The following PRKN variants were observed in gnomAD, a reference collection of about 807,000 sequenced individuals.
The protein encoded by PRKN is parkin RBR E3 ubiquitin protein ligase.
In PRKN, 56 loss-of-function variants were observed where a neutral mutation model predicts 59.5. The observed-to-expected ratio is 0.94, with a 90% confidence interval of 0.76 to 1.18. PRKN has a LOEUF of 1.18. Ranked by LOEUF, PRKN falls within the 50% of genes most tolerant of loss-of-function variation. The pLI is 0.00. For missense variants in PRKN, 657 were observed against 596.4 expected, an observed-to-expected ratio of 1.10 and a Z score of -1.06; for synonymous variants, 250 against 222.1, an observed-to-expected ratio of 1.13 and a Z score of -1.12.
chr6:162,413,490 G>T lies in PRKN; in HGVS notation c.171+29820C>A, dbSNP rs542964034. On this transcript the variant is annotated intron_variant, in intron 2 of 11. Coordinates refer to ENST00000366898, the MANE Select transcript of PRKN (RefSeq NM_004562.3). ...CAGATAGTAACTAATTAGATAGCAAGGTATTACTGACAAAATGAAACAAGA... is the reference window on the plus strand; with the variant it reads ...CAGATAGTAACTAATTAGATAGCAATGTATTACTGACAAAATGAAACAAGA... 2.0e-5 allele frequency among the ~76,000 whole-genome samples: 3 copies of T among 152,138 alleles called. No individual in the cohort carries two copies. The South Asian group carries it at 6.2e-4, about 32-fold the overall frequency.
At chr6:161,776,861 C>T (rs75654662) in intron 7 of PRKN, among the ~76,000 whole-genome samples, 5,949 of 152,246 alleles carry the variant, frequency 0.039, 388 homozygotes, top group African/African-American at 0.13. Context: ...CGAGCCTTTA[C>T]TTCTTCCTCT....
At chr6:161,722,688 T>C (rs116372984) in intron 7 of PRKN, among the ~76,000 whole-genome samples, 1,817 of 152,360 alleles carry the variant, frequency 0.012, 36 homozygotes, top group African/African-American at 0.042. Context: ...AAATGGAACA[T>C]TGAATGCATT....
At chr6:161,894,628 A>G (rs1406262309) in intron 6 of PRKN, among the ~76,000 whole-genome samples, 1 of 152,170 alleles carries the variant, frequency 6.6e-6, no homozygotes, top group Non-Finnish European at 1.5e-5. Context: ...TCCTTGCGAT[A>G]TACTTATCTT....
At chr6:161,615,137 T>C (rs1325509049) in intron 7 of PRKN, among the ~76,000 whole-genome samples, 2 of 152,194 alleles carry the variant, frequency 1.3e-5, no homozygotes, top group East Asian at 3.9e-4. Flanking sequence ...CTGTAATTTC[T>C]TTTGCACCAA....
chr6:162,448,161 C>A (rs1207267015), intron 1 of PRKN, among the ~76,000 whole-genome samples: 1 of 152,108 alleles, frequency 6.6e-6, no homozygotes, highest in African/African-American at 2.4e-5. Context: ...CCACCTGCAG[C>A]CCAGTAAGTA....
intron 2 of PRKN, among the ~76,000 whole-genome samples, chr6:162,329,643 A>G (rs1308512435): frequency 1.3e-5 from 2 of 152,148 alleles, no homozygotes; most frequent in Non-Finnish European, 2.9e-5. Flanking sequence ...GGGAACTAAG[A>G]ACAAACTTTT....
intron 1 of PRKN, among the ~76,000 whole-genome samples, chr6:162,559,359 C>T (rs1407953322): frequency 6.6e-6 from 1 of 152,094 alleles, no homozygotes; most frequent in Non-Finnish European, 1.5e-5. Context: ...TGGACACACA[C>T]ACAGCCTTCC....
At chr6:161,604,621 GCA>G (rs1265255548) in intron 7 of PRKN, among the ~76,000 whole-genome samples, 1 of 152,220 alleles carries the variant, frequency 6.6e-6, no homozygotes, top group African/African-American at 2.4e-5. Flanking sequence ...GTCTCTGAAT[GCA>G]CAGTGTTTAG....
intron 7 of PRKN, among the ~76,000 whole-genome samples, chr6:161,680,530 G>GCT (rs1347921621): frequency 6.6e-6 from 1 of 151,738 alleles, no homozygotes; most frequent in East Asian, 1.9e-4. Context: ...CAATGAGCAT[G>GCT]CTGCTGAATG....
At chr6:161,956,562 C>T (rs1780176212) in intron 6 of PRKN, among the ~76,000 whole-genome samples, 1 of 140,712 alleles carries the variant, frequency 7.1e-6, no homozygotes, top group African/African-American at 2.6e-5. Context: ...CTCAATTAAG[C>T]CAAATTTTCA....
intron 1 of PRKN, chr6:162,569,063 C>G: frequency 2.9e-6 from 2 of 681,754 alleles, no homozygotes; most frequent in South Asian, 3.2e-5. Context: ...GGACAACAGC[C>G]ACTTCCTGGA....
intron 7 of PRKN, among the ~76,000 whole-genome samples, chr6:161,654,008 T>TC (rs1257434992): frequency 6.6e-6 from 1 of 152,176 alleles, no homozygotes; most frequent in Non-Finnish European, 1.5e-5. Context: ...AAATGCATTT[T>TC]TTTTTTAAAG....
chr6:162,088,637 C>A (rs1779352755), intron 4 of PRKN, among the ~76,000 whole-genome samples: 1 of 152,020 alleles, frequency 6.6e-6, no homozygotes, highest in Non-Finnish European at 1.5e-5. Flanking sequence ...CGGGTAAATT[C>A]CAAGAAAGAC....
At chr6:162,679,141 C>T (rs1779674362) in intron 1 of PRKN, among the ~76,000 whole-genome samples, 1 of 150,260 alleles carries the variant, frequency 6.7e-6, no homozygotes, top group Non-Finnish European at 1.5e-5. Flanking sequence ...GCCCTGTTGC[C>T]CAGGCTGGAG....
At chr6:162,399,340 G>A (rs1333392594) in intron 2 of PRKN, among the ~76,000 whole-genome samples, 1 of 152,112 alleles carries the variant, frequency 6.6e-6, no homozygotes, top group Non-Finnish European at 1.5e-5. Flanking sequence ...AGTAACAGAG[G>A]AGGCAGGTGA....
chr6:161,862,391 T>C (rs375526399), intron 6 of PRKN, among the ~76,000 whole-genome samples: 1 of 152,162 alleles, frequency 6.6e-6, no homozygotes, highest in Non-Finnish European at 1.5e-5. Flanking sequence ...GTAAGGCTGG[T>C]GGTGAAAGCA....
At position 162,102,942 on chromosome 6, in the gene PRKN, C is replaced by A. The variant is rs545196246; in HGVS notation, c.535-48768G>T. Among the ~76,000 whole-genome samples the A allele has an allele frequency of 2.7e-5, 4 of 150,846 alleles. No individual in the cohort carries two copies. The East Asian group carries it at 5.9e-4, about 22-fold the overall frequency. On this transcript the variant is annotated intron_variant, in intron 4 of 11. Transcript: ENST00000366898. ...CCTGTAATCCCAGCTACTTGGGAGG[C>A]TGAGGCAGGAGAATGGCGTGAACCC...
chr6:161,876,438 A>G (rs1403443777), intron 6 of PRKN, among the ~76,000 whole-genome samples: 1 of 152,122 alleles, frequency 6.6e-6, no homozygotes, highest in South Asian at 2.1e-4. Flanking sequence ...CAGCCACCCA[A>G]GTAGTTGTGA....
At chr6:162,313,937 G>A (rs766786848) in intron 2 of PRKN, among the ~76,000 whole-genome samples, 16 of 152,072 alleles carry the variant, frequency 1.1e-4, no homozygotes, top group African/African-American at 1.4e-4. Context: ...AAATACTATT[G>A]TTTGTTTTAA....
Sources: gnomAD v4.1 joint callset for allele counts (sites outside exome capture counted in the v4.1 genomes callset) on GRCh38, gnomAD v4.1.1 for gene constraint, MANE v1.5 for transcripts, NCBI Gene and HGNC (gene_info 2026-07-23, HGNC 2026-07-21) for gene names.